CPT1B: variants seen among roughly 807,000 people sequenced by gnomAD.
CPT1B encodes the protein carnitine palmitoyltransferase 1B, also known as carnitine O-palmitoyltransferase 1, muscle isoform.
A neutral mutation model predicts 92.7 loss-of-function variants in CPT1B; 57 were observed. The observed-to-expected ratio is 0.62, with a 90% CI of 0.50 to 0.77. The LOEUF (loss-of-function observed/expected upper bound fraction) is 0.77, where lower values mean the gene tolerates loss of function less well. Ranked by LOEUF, CPT1B falls within the 30% of genes least tolerant of loss-of-function variation. The pLI is 0.00. For missense variants in CPT1B, 983 were observed against 1,017.4 expected (o/e 0.97, Z 0.46); for synonymous variants, 398 against 383.5 (o/e 1.04, Z -0.44).
At position 50,573,788 on chromosome 22, in the gene CPT1B, A is replaced by T. The variant is rs1336395400; in HGVS notation, c.971-73T>A. On this transcript the variant is annotated intron_variant, in intron 9 of 19. Transcript: ENST00000312108. The surrounding 1 kb of genome is among the most constrained non-coding windows in gnomAD (Gnocchi z 5.0). Reference sequence around the variant, plus strand: ...CCTGGGAAGGGCCCACCTCCCATGCACTAGGTGACCCCTGCAGACCCTGTT... The same window carrying T: ...CCTGGGAAGGGCCCACCTCCCATGCTCTAGGTGACCCCTGCAGACCCTGTT... The T allele has an allele frequency of 1.0e-5, 14 of 1,367,794 alleles. No homozygotes were observed. The highest frequency in any genetic ancestry group is 1.4e-5 in the Non-Finnish European group (14 of 975,394). The allele number at this position is 1,367,794 out of a possible 1,614,324, so 84.7% of individuals were successfully genotyped here.
Position 50,569,366 on chromosome 22 carries a change from A to G in CPT1B, c.2291T>C (p.Leu764Pro). The G allele has an allele frequency of 6.2e-7, 1 of 1,614,154 alleles. No homozygotes were observed. The highest frequency in any genetic ancestry group is 1.1e-5 in the South Asian group (1 of 91,080). The change falls in exon 19 of 20, where the codon CTT becomes CCT. Residue 764 changes from leucine to proline, a missense_variant. Transcript: ENST00000312108. ...IRKALLDIAD[L>P]FQVPKAYS is the part of the protein sequence containing the mutation. ...GCTGTAGGCCTTGGGAACTTGGAAA[A>G]GATCAGCAATGTCCAGCAGGGCTTT...
At chr22:50,569,299 A>C in intron 19 of CPT1B, 37 bp downstream of exon 19, 1 of 1,602,186 alleles carries the variant, frequency 6.2e-7, no homozygotes, top group Non-Finnish European at 8.5e-7. Flanking sequence ...CTTCCTCCAC[A>C]GTGTGGGGAC....
chr22:50,576,011 G>C (rs2146635656), intron 7 of CPT1B, 24 bp downstream of exon 7: 1 of 1,610,668 alleles, frequency 6.2e-7, no homozygotes, highest in African/African-American at 1.3e-5. Context: ...GCACGTGCGG[G>C]GACCTGGGGG....
chr22:50,571,527 T>G lies in CPT1B; in HGVS notation c.1588A>C (p.Ile530Leu). 1 of 1,612,450 alleles carries G rather than the reference T, an allele frequency of 6.2e-7. No homozygotes were observed. The highest frequency in any genetic ancestry group is 8.5e-7 in the Non-Finnish European group (1 of 1,179,966). The stretch of plus-strand genomic sequence containing the variant: ...TTGGCCACCTGGTAGGAACTCTCGA[T>G]GACCGCCTGGCACTGCCAAGACATG... ...WDIPKQCQAVIESSYQVAKAL... is the reference protein window; with the variant it reads ...WDIPKQCQAVLESSYQVAKAL... The change falls in exon 14 of 20, where the codon ATC (isoleucine) becomes CTC (leucine). Residue 530 changes from isoleucine (I) to leucine (L), a missense_variant. Transcript: ENST00000312108.
At chr22:50,574,673 C>A (rs993299630) in intron 7 of CPT1B, 73 bp from the exon 8 acceptor site, 2 of 1,232,166 alleles carry the variant, frequency 1.6e-6, no homozygotes, top group Non-Finnish European at 2.4e-6. Flanking sequence ...ACCCAAGGAC[C>A]AATCTATTCG....
chr22:50,577,704 G>C (rs886538325), intron 2 of CPT1B, 71 bp downstream of exon 2: 1 of 1,582,734 alleles, frequency 6.3e-7, no homozygotes, highest in African/African-American at 1.3e-5. Context: ...GGCAGTGAGG[G>C]ACCCTAACAA....
intron 13 of CPT1B, 199 bp downstream of exon 13, chr22:50,571,807 C>T: frequency 3.0e-6 from 2 of 673,120 alleles, no homozygotes. Flanking sequence ...ACACAGATGG[C>T]CCCAGGGGCG....
chr22:50,577,842 C>G lies in CPT1B; in HGVS notation c.74G>C (p.Arg25Pro). Residue 25 changes from arginine (R) to proline (P), a missense_variant, in exon 2 of 20, where the codon CGG (arginine) becomes CCG (proline). Coordinates refer to ENST00000312108, the MANE Select transcript of CPT1B (RefSeq NM_152246.3). ...TPDGVDFRLSREALKHVYLSG... is the reference protein window; with the variant it reads ...TPDGVDFRLSPEALKHVYLSG... ...CAGGTAGACGTGTTTCAGGGCCTCC[C>G]GACTGAGCCGGAAGTCGACCCCGTC... The G allele has an allele frequency of 1.9e-6, 3 of 1,613,748 alleles. No individual in the cohort carries two copies. Among genetic ancestry groups the G allele is most frequent in the Non-Finnish European group, 2.5e-6 (3 of 1,179,886 alleles).
At position 50,576,291 on chromosome 22, in the gene CPT1B, G is replaced by A. The variant is rs17848456; in HGVS notation, c.606C>T (p.Tyr202=). Reference sequence around the variant, plus strand: ...ATTCTTTGGCCAGCAACTCCATGCGGTAATATTCCTCATCATCCAACAAGG... The same window carrying A: ...ATTCTTTGGCCAGCAACTCCATGCGATAATATTCCTCATCATCCAACAAGG... ...VRPLLDDEEY[Y]RMELLAKEFQ... Residue 202 remains tyrosine, a synonymous_variant, in exon 6 of 20, where the codon TAC becomes TAT. Transcript: ENST00000312108. The A allele has an allele frequency of 1.0e-4, 165 of 1,614,064 alleles. No individual in the cohort carries two copies. The East Asian group carries it at 3.3e-3, about 32-fold the overall frequency.
intron 13 of CPT1B, 108 bp downstream of exon 13, chr22:50,571,898 G>T: frequency 9.4e-7 from 1 of 1,067,606 alleles, no homozygotes; most frequent in Non-Finnish European, 1.4e-6. Context: ...CCCGAGGGCT[G>T]GGCCAGGCAG....
At chr22:50,577,083 C>T (rs778501593) in intron 3 of CPT1B, 49 bp from the exon 4 acceptor site, 18 of 1,599,330 alleles carry the variant, frequency 1.1e-5, no homozygotes, top group South Asian at 6.6e-5. Context: ...AGGCCAGCCT[C>T]GGGTGGCTGT....
At position 50,569,088 on chromosome 22, in the gene CPT1B, G is replaced by A; in HGVS notation, c.*3-7C>T. 2.4e-6 allele frequency: 1 copy of A among 418,594 alleles called. No homozygotes were observed. The highest frequency in any genetic ancestry group is 4.3e-6 in the Non-Finnish European group (1 of 232,490). The allele number at this position is 418,594 out of a possible 1,614,324, so 25.9% of individuals were successfully genotyped here. ...AAACACAGGTACCTAAGGGCTGAGA[G>A]AAAATTACACAGCCTTATTTTTATT... On this transcript the variant is annotated splice_region_variant and splice_polypyrimidine_tract_variant and intron_variant, in intron 19 of 19. Coordinates refer to ENST00000312108, the MANE Select transcript of CPT1B (RefSeq NM_152246.3).
In CPT1B at chr22:50,571,990, G is replaced by A. The variant is rs778650167; in HGVS notation, c.1575+16C>T. The stretch of plus-strand genomic sequence containing the variant: ...GCTTTGTGGTCTCACACCTGCTCTG[G>A]GAGCTTCCAACCCACCTGTTTTGGA... On this transcript the variant is annotated intron_variant, in intron 13 of 19. Transcript: ENST00000312108. The A allele has an allele frequency of 2.5e-6, 4 of 1,610,496 alleles. No homozygotes were observed. Among genetic ancestry groups the A allele is most frequent in the Admixed American group, 1.7e-5 (1 of 59,980 alleles).
At position 50,571,412 on chromosome 22, in the gene CPT1B, G is replaced by T; in HGVS notation, c.1703C>A (p.Ala568Asp). Residue 568 changes from alanine to aspartate, a missense_variant, in exon 14 of 20, where the codon GCC becomes GAC. Ala to Asp is a moderately radical substitution (Grantham distance 126, BLOSUM62 -2). Coordinates refer to ENST00000312108, the MANE Select transcript of CPT1B (RefSeq NM_152246.3). Reference sequence around the variant, plus strand: ...CAGCTGCAGCGCGATCTGCACAAAGGCATCAGGGCTGGTCCGGCACTTCTT... The same window carrying T: ...CAGCTGCAGCGCGATCTGCACAAAGTCATCAGGGCTGGTCCGGCACTTCTT... ...LIKKCRTSPD[A>D]FVQIALQLAH... is the part of the protein sequence containing the mutation. 1 of 1,613,902 alleles carries T rather than the reference G, an allele frequency of 6.2e-7. No individual in the cohort carries two copies. The highest frequency in any genetic ancestry group is 8.5e-7 in the Non-Finnish European group (1 of 1,180,036).
Position 50,570,977 on chromosome 22 carries a change from T to C in CPT1B, c.1942A>G (p.Met648Val), listed in dbSNP as rs1192850527. Residue 648 changes from methionine to valine, a missense_variant, in exon 16 of 20, where the codon ATG becomes GTG. Coordinates refer to ENST00000312108, the MANE Select transcript of CPT1B (RefSeq NM_152246.3). ...KKHQNMYRLA[M>V]TGAGIDRHLF... Reference sequence around the variant, plus strand: ...TGCCTGTCGATCCCTGCCCCGGTCATGGCCAGGCGGTACATATTCTGGTGC... The same window carrying C: ...TGCCTGTCGATCCCTGCCCCGGTCACGGCCAGGCGGTACATATTCTGGTGC... 7.4e-6 allele frequency: 12 copies of C among 1,613,914 alleles called. No individual in the cohort carries two copies. Among genetic ancestry groups the C allele is most frequent in the Non-Finnish European group, 1.0e-5 (12 of 1,180,032 alleles).
chr22:50,571,646 G>T, intron 13 of CPT1B, 107 bp from the exon 14 acceptor site: 2 of 1,259,532 alleles, frequency 1.6e-6, no homozygotes, highest in Non-Finnish European at 2.2e-6. Context: ...GGCACAGCCG[G>T]CCAAGACATC....
Position 50,570,351 on chromosome 22 carries a change from C to T in CPT1B, c.2084G>A (p.Arg695His), listed in dbSNP as rs933303732. 18 of 1,607,794 alleles carry T rather than the reference C, an allele frequency of 1.1e-5. No individual in the cohort carries two copies. Among genetic ancestry groups the T allele is most frequent in the Middle Eastern group, 1.7e-4 (1 of 6,016 alleles). ...GGGGTGCTGCTCTGGGTCGAACATG[C>T]GGATCTGGGATTGGGGGATCTGGCT... ...STSQIPQSQI[R>H]MFDPEQHPNH... The change falls in exon 17 of 20, where the codon CGC becomes CAC. Residue 695 changes from arginine to histidine, a missense_variant. By Grantham distance (29) the Arg-to-His change is conservative. Transcript: ENST00000312108.
chr22:50,575,480 A>G (rs1329674163), intron 7 of CPT1B, among the ~76,000 whole-genome samples: 1 of 152,206 alleles, frequency 6.6e-6, no homozygotes, highest in Non-Finnish European at 1.5e-5. Context: ...TGGCAAGTCA[A>G]GTGTGCTTTG....
In CPT1B at chr22:50,572,927, C is replaced by T. The variant is rs964312394; in HGVS notation, c.1300G>A (p.Ala434Thr). ...GCCTTGCCATAGAGGCTGAGGCTGG[C>T]CTCATCTTCGGGGTCATAGGAGTAG... ...ESYSYDPEDE[A>T]SLSLYGKALL... Residue 434 changes from alanine (A) to threonine (T), a missense_variant, in exon 11 of 20, where the codon GCC (alanine) becomes ACC (threonine). Physicochemically the swap from Ala to Thr is moderately conservative, Grantham distance 58. Transcript: ENST00000312108. The T allele has an allele frequency of 9.3e-6, 15 of 1,613,420 alleles. No homozygotes were observed. Among genetic ancestry groups the T allele is most frequent in the Admixed American group, 1.7e-5 (1 of 59,998 alleles).
Sources: gnomAD v4.1 joint callset for allele counts (sites outside exome capture counted in the v4.1 genomes callset) on GRCh38, gnomAD v4.1.1 for gene constraint, Gnocchi (gnomAD v3.1) non-coding constraint, MANE v1.5 for transcripts, NCBI Gene and HGNC (gene_info 2026-07-23, HGNC 2026-07-21) for gene names.